Variants in GPC6 observed in about 807,000 individuals in gnomAD.
The protein encoded by GPC6 is glypican 6, also known as glypican-6.
In GPC6, 14 loss-of-function variants were observed where a neutral mutation model predicts 55.2. That is an observed-to-expected ratio of 0.25 (90% CI 0.17 to 0.40). The LOEUF is 0.40. Ranked by LOEUF, GPC6 falls within the 10% of genes least tolerant of loss-of-function variation. GPC6 has a pLI of 1.00. For missense variants in GPC6, 641 were observed against 708.5 expected, an observed-to-expected ratio of 0.90 and a Z score of 1.08; for synonymous variants, 278 against 259.6, an observed-to-expected ratio of 1.07 and a Z score of -0.68.
chr13:94,357,518 C>T (rs765707410), intron 6 of GPC6, among the ~76,000 whole-genome samples: 2 of 152,192 alleles, frequency 1.3e-5, no homozygotes, highest in South Asian at 2.1e-4. Flanking sequence ...CACAATTCTG[C>T]GGCACTCTTG....
intron 2 of GPC6, among the ~76,000 whole-genome samples, chr13:93,757,374 C>T (rs1025399613): frequency 6.6e-6 from 1 of 152,148 alleles, no homozygotes; most frequent in Admixed American, 6.6e-5. Flanking sequence ...TTCTCTGAGA[C>T]ACCCACAGAA....
intron 4 of GPC6, among the ~76,000 whole-genome samples, chr13:94,271,940 G>A (rs1892041076): frequency 6.6e-6 from 1 of 152,128 alleles, no homozygotes; most frequent in South Asian, 2.1e-4. Context: ...TTCCTAAAAT[G>A]AGTTTTTTCA....
intron 4 of GPC6, among the ~76,000 whole-genome samples, chr13:94,069,719 C>T (rs1181627488): frequency 6.6e-6 from 1 of 152,162 alleles, no homozygotes; most frequent in Non-Finnish European, 1.5e-5. Flanking sequence ...AAAATGCTGC[C>T]AGTCTTTTTG....
At chr13:93,438,201 A>G (rs1337363908) in intron 1 of GPC6, among the ~76,000 whole-genome samples, 2 of 152,170 alleles carry the variant, frequency 1.3e-5, no homozygotes, top group African/African-American at 4.8e-5. Context: ...GAGATGTACA[A>G]GGAGATTCAT....
intron 4 of GPC6, among the ~76,000 whole-genome samples, chr13:94,131,603 TC>T (rs1259843867): frequency 2.6e-5 from 4 of 152,168 alleles, no homozygotes; most frequent in Non-Finnish European, 5.9e-5. Flanking sequence ...ATGGGTCATT[TC>T]TTTTTTCCAA....
At chr13:93,789,375 G>A (rs117879373) in intron 2 of GPC6, among the ~76,000 whole-genome samples, 1 of 150,784 alleles carries the variant, frequency 6.6e-6, no homozygotes, top group African/African-American at 2.4e-5. Flanking sequence ...GAATAATGAT[G>A]TGGCTCCTAC....
intron 4 of GPC6, among the ~76,000 whole-genome samples, chr13:94,087,633 C>A (rs929522290): frequency 6.6e-6 from 1 of 152,170 alleles, no homozygotes; most frequent in African/African-American, 2.4e-5. Context: ...GATTTAGTAA[C>A]CTGCCAAAAG....
chr13:93,556,254 AT>A (rs1381447944), intron 2 of GPC6, among the ~76,000 whole-genome samples: 1 of 151,538 alleles, frequency 6.6e-6, no homozygotes, highest in Non-Finnish European at 1.5e-5. Context: ...ATGTGTGTTT[AT>A]TTTTCACAAT....
chr13:94,184,759 A>T (rs1388566489), intron 4 of GPC6, among the ~76,000 whole-genome samples: 1 of 152,192 alleles, frequency 6.6e-6, no homozygotes, highest in Non-Finnish European at 1.5e-5. Context: ...TTAAAACAGA[A>T]CTACCATTTG....
intron 3 of GPC6, among the ~76,000 whole-genome samples, chr13:93,841,281 T>C (rs923445822): frequency 3.9e-5 from 6 of 152,302 alleles, no homozygotes; most frequent in South Asian, 2.1e-4. Context: ...GCGGGACTTA[T>C]ATAGGGAATA....
At chr13:94,284,453 T>C (rs1319764381) in intron 4 of GPC6, among the ~76,000 whole-genome samples, 1 of 128,016 alleles carries the variant, frequency 7.8e-6, no homozygotes, top group Non-Finnish European at 1.7e-5. Context: ...TGAATACATG[T>C]ATGTTTTTTT....
chr13:94,403,571 G>C lies in GPC6; in HGVS notation c.*354G>C. 3.5e-6 allele frequency: 1 copy of C among 282,912 alleles called. No individual in the cohort carries two copies. Among genetic ancestry groups the C allele is most frequent in the East Asian group, 8.5e-5 (1 of 11,814 alleles). 17.5% of individuals were successfully genotyped at this position (282,912 alleles called of 1,614,324 possible). On this transcript the variant is annotated 3_prime_UTR_variant, in exon 9 of 9. Coordinates refer to ENST00000377047, the MANE Select transcript of GPC6 (RefSeq NM_005708.5). ...TTTTTTCTCATTTAAAATAAAAAAG[G>C]AAGAAAGAAAATAATTTTCCTTGTA...
chr13:93,247,568 G>A (rs1876645570), intron 1 of GPC6, among the ~76,000 whole-genome samples: 2 of 152,082 alleles, frequency 1.3e-5, no homozygotes, highest in Admixed American at 6.6e-5. Flanking sequence ...GGGGATATTA[G>A]ATATCAGGTC....
At chr13:93,705,203 T>C (rs1296251449) in intron 2 of GPC6, among the ~76,000 whole-genome samples, 1 of 151,960 alleles carries the variant, frequency 6.6e-6, no homozygotes, top group African/African-American at 2.4e-5. Context: ...ATGTTGTCCA[T>C]ACATATGTCA....
intron 6 of GPC6, among the ~76,000 whole-genome samples, chr13:94,310,838 T>C (rs929240165): frequency 6.6e-6 from 1 of 152,176 alleles, no homozygotes; most frequent in Non-Finnish European, 1.5e-5. Flanking sequence ...TCTGTCCCAA[T>C]GTTCAGACGA....
intron 2 of GPC6, among the ~76,000 whole-genome samples, chr13:93,690,429 GA>G (rs540517890): frequency 2.6e-5 from 4 of 151,676 alleles, no homozygotes; most frequent in Non-Finnish European, 5.9e-5. Context: ...AGCGAAATGG[GA>G]AAAAATATAT....
chr13:94,015,722 T>G (rs1045426885), intron 3 of GPC6, among the ~76,000 whole-genome samples: 5 of 152,158 alleles, frequency 3.3e-5, no homozygotes, highest in African/African-American at 9.6e-5. Context: ...CATGCAGATA[T>G]CCAGTTGACT....
chr13:93,766,776 A>G (rs1260494315), intron 2 of GPC6, among the ~76,000 whole-genome samples: 1 of 152,096 alleles, frequency 6.6e-6, no homozygotes, highest in East Asian at 1.9e-4. Context: ...GTCCCGTAAA[A>G]TAGTATTTCA....
At chr13:93,869,714 A>G (rs1405673018) in intron 3 of GPC6, among the ~76,000 whole-genome samples, 2 of 151,806 alleles carry the variant, frequency 1.3e-5, no homozygotes, top group African/African-American at 4.8e-5. Flanking sequence ...TAAATGGTGA[A>G]CCAATAATTT....
Sources: allele counts gnomAD v4.1 joint callset (sites outside exome capture counted in the v4.1 genomes callset), GRCh38; gene constraint gnomAD v4.1.1; transcripts MANE v1.5; gene names NCBI Gene and HGNC (gene_info 2026-07-23, HGNC 2026-07-21).